The following ATP11B variants were observed in gnomAD, a reference collection of about 807,000 sequenced individuals.
The protein encoded by ATP11B is ATPase phospholipid transporting 11B (putative), also known as phospholipid-transporting ATPase IF.
Under a neutral mutation model 157.8 loss-of-function variants are expected in ATP11B, and 81 were observed. The ratio of observed to expected loss-of-function variants is 0.51; its 90% CI spans 0.43 to 0.62. The LOEUF (loss-of-function observed/expected upper bound fraction) is 0.62. Ranked by LOEUF, ATP11B falls within the 20% of genes least tolerant of loss-of-function variation. The pLI, the probability that ATP11B is intolerant of heterozygous loss-of-function variation, is 0.00. For synonymous variants in ATP11B, 451 were observed against 469.4 expected (o/e 0.96, Z 0.51); for missense variants, 1,165 against 1,402.2 (o/e 0.83, Z 2.70).
chr3:182,875,064 T>A (rs1216532054), intron 19 of ATP11B, among the ~76,000 whole-genome samples: 1 of 152,216 alleles, frequency 6.6e-6, no homozygotes. Context: ...AATTCTGTCT[T>A]TTTTGTAAAT....
At chr3:182,845,091 G>T (rs182571025) in intron 8 of ATP11B, among the ~76,000 whole-genome samples, 15 of 148,244 alleles carry the variant, frequency 1.0e-4, no homozygotes, top group Non-Finnish European at 1.9e-4. Flanking sequence ...TGCAACCTCC[G>T]CCTCCACGGT....
At position 182,870,273 on chromosome 3, in the gene ATP11B, A is replaced by G. The variant is rs376083202; in HGVS notation, c.1866+942A>G. Among the ~76,000 whole-genome samples, 5 of 152,380 alleles carry G rather than the reference A, an allele frequency of 3.3e-5. No individual in the cohort carries two copies. The East Asian group carries it at 7.7e-4, about 23-fold the overall frequency. On this transcript the variant is annotated intron_variant, in intron 17 of 29. Coordinates refer to ENST00000323116, the MANE Select transcript of ATP11B (RefSeq NM_014616.3). ...ATAGGGGAATCTTGTTAAAACAAAG[A>G]GCCATCATTCATGTAAATGGCAAAA...
At chr3:182,890,849 A>C (rs1677836144) in intron 25 of ATP11B, among the ~76,000 whole-genome samples, 1 of 152,216 alleles carries the variant, frequency 6.6e-6, no homozygotes, top group African/African-American at 2.4e-5. Flanking sequence ...GCCTAAGTTC[A>C]CACAGTAAGC....
At chr3:182,877,182 T>C (rs187044569) in intron 19 of ATP11B, among the ~76,000 whole-genome samples, 1 of 152,130 alleles carries the variant, frequency 6.6e-6, no homozygotes, top group East Asian at 1.9e-4. Flanking sequence ...CAGAACTGTA[T>C]CTGAGGCAAG....
intron 28 of ATP11B, among the ~76,000 whole-genome samples, chr3:182,905,419 G>A (rs1724275794): frequency 6.6e-6 from 1 of 152,170 alleles, no homozygotes; most frequent in African/African-American, 2.4e-5. Context: ...TTAGAGTAGA[G>A]AAGTCTTCTG....
rs1724049834 is a variant in ATP11B, at chr3:182,902,677, C to T, written c.3318+3905C>T. 1.5e-5 allele frequency: 7 copies of T among 467,364 alleles called. No homozygotes were observed. The South Asian group carries it at 1.7e-4, about 11-fold the overall frequency. 29.0% of individuals were successfully genotyped at this position (467,364 alleles called of 1,614,324 possible). On this transcript the variant is annotated intron_variant, in intron 28 of 29. Coordinates refer to ENST00000323116, the MANE Select transcript of ATP11B (RefSeq NM_014616.3). ...ATAAAGAGCGGGGCATTTTTGTTAG[C>T]ATGGCCCTGTCTCTGAATAATTTGA...
chr3:182,863,377 C>G (rs1371355050), intron 12 of ATP11B, among the ~76,000 whole-genome samples: 1 of 151,890 alleles, frequency 6.6e-6, no homozygotes, highest in African/African-American at 2.4e-5. Flanking sequence ...ACTCTCTTCC[C>G]CTCCTTTTTT....
At chr3:182,838,806 C>CA (rs1396337265) in intron 7 of ATP11B, among the ~76,000 whole-genome samples, 1 of 151,078 alleles carries the variant, frequency 6.6e-6, no homozygotes, top group Non-Finnish European at 1.5e-5. Flanking sequence ...TATATACACA[C>CA]ACATATATTA....
intron 24 of ATP11B, among the ~76,000 whole-genome samples, chr3:182,888,411 C>T (rs1722940765): frequency 6.6e-6 from 1 of 152,104 alleles, no homozygotes; most frequent in South Asian, 2.1e-4. Flanking sequence ...CTCAGATAAC[C>T]TCACTAAAAA....
intron 28 of ATP11B, among the ~76,000 whole-genome samples, chr3:182,906,689 G>A (rs1456311963): frequency 6.6e-6 from 1 of 151,728 alleles, no homozygotes; most frequent in Non-Finnish European, 1.5e-5. Flanking sequence ...GGGCTCAAGC[G>A]ATCTACCTGC....
intron 21 of ATP11B, among the ~76,000 whole-genome samples, chr3:182,883,343 C>T (rs868423412): frequency 6.6e-6 from 1 of 151,716 alleles, no homozygotes. Context: ...CGGCAACCTC[C>T]GTCTCCTGGG....
intron 14 of ATP11B, 24 bp downstream of exon 14, chr3:182,866,467 C>G (rs781600927): frequency 6.7e-7 from 1 of 1,489,838 alleles, no homozygotes; most frequent in South Asian, 1.4e-5. Context: ...ATTTCCAAAT[C>G]TTCGGAAAAA....
At chr3:182,845,303 G>A (rs1437467145) in intron 8 of ATP11B, among the ~76,000 whole-genome samples, 155 bp from the exon 9 acceptor site, 4 of 152,096 alleles carry the variant, frequency 2.6e-5, no homozygotes, top group East Asian at 3.9e-4. Flanking sequence ...CACCACGCCC[G>A]GCCCCTGGGC....
chr3:182,859,111 A>T, intron 11 of ATP11B, 51 bp from the exon 12 acceptor site: 1 of 1,375,674 alleles, frequency 7.3e-7, no homozygotes, highest in Non-Finnish European at 1.0e-6. Flanking sequence ...GTAATACTGA[A>T]GAAATTCTAG....
chr3:182,838,803 A>T (rs950384881), intron 7 of ATP11B, among the ~76,000 whole-genome samples: 8 of 151,278 alleles, frequency 5.3e-5, no homozygotes, highest in Non-Finnish European at 1.2e-4. Flanking sequence ...ATATATATAC[A>T]CACACATATA....
chr3:182,868,714 T>G (rs1721426061), intron 15 of ATP11B, among the ~76,000 whole-genome samples: 1 of 152,224 alleles, frequency 6.6e-6, no homozygotes, highest in South Asian at 2.1e-4. Flanking sequence ...TGGGCAGATC[T>G]GGATTCCAGT....
At chr3:182,844,052 A>G (rs567642153) in intron 8 of ATP11B, 1 of 152,320 alleles carries the variant, frequency 6.6e-6, no homozygotes, top group South Asian at 2.1e-4. Context: ...GGAAAATAGC[A>G]GTTATATTAC....
chr3:182,836,591 A>G (rs1352817993), intron 6 of ATP11B, 121 bp downstream of exon 6: 10 of 1,144,932 alleles, frequency 8.7e-6, no homozygotes, highest in Middle Eastern at 2.1e-4. Context: ...TTTTAAAATT[A>G]CTATTTCAAA....
intron 29 of ATP11B, chr3:182,917,181 T>G: frequency 1.0e-6 from 1 of 985,394 alleles, no homozygotes; most frequent in Non-Finnish European, 1.2e-6. Flanking sequence ...CATCTCTGTT[T>G]AGGGAAGGTG....
Sources: gnomAD v4.1 joint callset for allele counts (sites outside exome capture counted in the v4.1 genomes callset) on GRCh38, gnomAD v4.1.1 for gene constraint, MANE v1.5 for transcripts, NCBI Gene and HGNC (gene_info 2026-07-23, HGNC 2026-07-21) for gene names.